The following ISCA1 variants were observed in gnomAD, a reference collection of about 807,000 sequenced individuals.
ISCA1 encodes iron-sulfur cluster assembly 1, also known as iron-sulfur cluster assembly 1 homolog, mitochondrial.
Under a neutral mutation model 14.7 loss-of-function variants are expected in ISCA1, and 9 were observed. That is an observed-to-expected ratio of 0.61 (90% CI 0.37 to 1.07). The LOEUF (loss-of-function observed/expected upper bound fraction) is 1.07. Among genes scored for constraint, ISCA1 ranks in the 50% least tolerant of loss-of-function variants. The pLI is 0.01. For synonymous variants in ISCA1, 38 were observed against 54.3 expected (o/e 0.70, Z 1.32); for missense variants, 102 against 150.1 (o/e 0.68, Z 1.67).
chr9:86,267,451 A>C (rs1415942001), intron 3 of ISCA1: 1 of 960,372 alleles, frequency 1.0e-6, no homozygotes, highest in Non-Finnish European at 1.2e-6. Context: ...TCTAGGCCTC[A>C]TTCTCCCATG....
intron 1 of ISCA1, among the ~76,000 whole-genome samples, chr9:86,280,594 CAAAAAA>C (rs59525482): frequency 2.0e-5 from 2 of 97,882 alleles, no homozygotes; most frequent in Non-Finnish European, 4.2e-5. Context: ...AACCCTGTCT[CAAAAAA>C]AAAAAAAAAA....
chr9:86,266,303 G>T, intron 3 of ISCA1, 112 bp from the exon 4 acceptor site: 1 of 1,439,428 alleles, frequency 6.9e-7, no homozygotes, highest in Non-Finnish European at 9.2e-7. Flanking sequence ...CAAACAAGAA[G>T]CCTTGAACAT....
At position 86,274,173 on chromosome 9, in the gene ISCA1, A is replaced by AT. The variant is rs771033549; in HGVS notation, c.135+15_135+16insA. ...AGCTTCAGTTTTTTACTGAATAATT[A>AT]ACTGGTTTTACTTACATGCTCAGGC... On this transcript the variant is annotated intron_variant, in intron 2 of 3. Transcript: ENST00000375991. The AT allele has an allele frequency of 7.0e-7, 1 of 1,424,322 alleles. No homozygotes were observed. The highest frequency in any genetic ancestry group is 1.4e-5 in the African/African-American group (1 of 71,312). The allele number at this position is 1,424,322 out of a possible 1,614,324, so 88.2% of individuals were successfully genotyped here. A position where few individuals can be genotyped will look rare whatever the true frequency, so the allele number is the denominator to read the frequency against.
At chr9:86,266,516 G>A (rs1033496172) in intron 3 of ISCA1, among the ~76,000 whole-genome samples, 1 of 151,746 alleles carries the variant, frequency 6.6e-6, no homozygotes, top group Non-Finnish European at 1.5e-5. Flanking sequence ...GTATATTCTC[G>A]ATGAGTTTTA....
chr9:86,268,461 C>A lies in ISCA1; in HGVS notation c.242-2270G>T, dbSNP rs1182582859. Among the ~76,000 whole-genome samples, 507 of 133,614 alleles carry A rather than the reference C, an allele frequency of 3.8e-3. 2 individuals carry two copies. Among genetic ancestry groups the A allele is most frequent in the African/African-American group, 0.012 (431 of 37,050 alleles). The allele number at this position is 133,614 out of a possible 152,430, so 87.7% of individuals were successfully genotyped here. A position where few individuals can be genotyped will look rare whatever the true frequency, so the allele number is the denominator to read the frequency against. ...AAAGAGTCAAAAAAAAAAAAAAAAA[C>A]CCCAAAGCTTACAAAGTAAAAAAGT... On this transcript the variant is annotated intron_variant, in intron 3 of 3. Transcript: ENST00000375991.
chr9:86,282,380 G>A lies in ISCA1; in HGVS notation c.79C>T (p.Leu27=), dbSNP rs1030168472. 23 of 1,548,144 alleles carry A rather than the reference G, an allele frequency of 1.5e-5. No individual in the cohort carries two copies. The highest frequency in any genetic ancestry group is 2.0e-5 in the Admixed American group (1 of 51,136). ...KLQPTRAALT[L]TPSAVNKIKQ... ...CGCCGCGCGCCGCGAGCACTCACCAGGGTGAGGGCTGCCCGGGTGGGCTGC... is the reference window on the plus strand; with the variant it reads ...CGCCGCGCGCCGCGAGCACTCACCAAGGTGAGGGCTGCCCGGGTGGGCTGC... Residue 27 remains leucine (L), a splice_region_variant and synonymous_variant, in exon 1 of 4, where the codon CTG becomes TTG. Transcript: ENST00000375991.
At chr9:86,269,878 T>C (rs1303572004) in intron 3 of ISCA1, among the ~76,000 whole-genome samples, 1 of 152,206 alleles carries the variant, frequency 6.6e-6, no homozygotes, top group Non-Finnish European at 1.5e-5. Flanking sequence ...CTGGGAAAAC[T>C]GGCTAGCCAT....
rs565925479 is a variant in ISCA1 at position 86,269,672 on chromosome 9, C to T, written c.241+2335G>A. Among the ~76,000 whole-genome samples, 491 of 151,802 alleles carry T rather than the reference C, an allele frequency of 3.2e-3. 6 individuals carry two copies. The highest frequency in any genetic ancestry group is 9.7e-3 in the African/African-American group (403 of 41,392). On this transcript the variant is annotated intron_variant, in intron 3 of 3. Transcript: ENST00000375991. ...CAAAAGAACAAAGCTGGAGGCATCA[C>T]GCTACTTGACTTCAAACTATACTAC...
At chr9:86,280,125 A>G (rs1026802526) in intron 1 of ISCA1, among the ~76,000 whole-genome samples, 3 of 152,220 alleles carry the variant, frequency 2.0e-5, no homozygotes, top group Non-Finnish European at 4.4e-5. Context: ...CAAGCCTGAG[A>G]ATGTGCAGTG....
At chr9:86,274,820 G>A (rs921481441) in intron 1 of ISCA1, among the ~76,000 whole-genome samples, 1 of 152,016 alleles carries the variant, frequency 6.6e-6, no homozygotes, top group Non-Finnish European at 1.5e-5. Flanking sequence ...TTTTTTCAAC[G>A]TGGATTAAAC....
rs566402831 is a variant in ISCA1 at position 86,282,470 on chromosome 9, C to G, written c.-12G>C. ...AAGGAAGCCGACATCTTCGCCGTCC[C>G]GGCGCCCCGGTGCCTCGGGCCGAAG... On this transcript the variant is annotated 5_prime_UTR_variant, in exon 1 of 4. Coordinates refer to ENST00000375991, the MANE Select transcript of ISCA1 (RefSeq NM_030940.4). 5 of 1,551,276 alleles carry G rather than the reference C, an allele frequency of 3.2e-6. No homozygotes were observed. Among genetic ancestry groups the G allele is most frequent in the East Asian group, 2.4e-5 (1 of 41,026 alleles).
chr9:86,274,985 G>A (rs1825422480), intron 1 of ISCA1, among the ~76,000 whole-genome samples: 1 of 152,190 alleles, frequency 6.6e-6, no homozygotes, highest in Admixed American at 6.5e-5. Context: ...ATAGGTCGGT[G>A]TTGCCAACCC....
At chr9:86,267,953 G>C (rs923263390) in intron 3 of ISCA1, 2 of 152,070 alleles carry the variant, frequency 1.3e-5, no homozygotes, top group Non-Finnish European at 2.9e-5. Context: ...GGTGATGCTG[G>C]TGTAAACAAA....
Position 86,265,830 on chromosome 9 carries a change from A to G in ISCA1, c.*213T>C, listed in dbSNP as rs1192411297. The G allele has an allele frequency of 1.3e-6, 1 of 778,020 alleles. No homozygotes were observed. The highest frequency in any genetic ancestry group is 2.6e-5 in the East Asian group (1 of 39,050). 48.2% of individuals were successfully genotyped at this position (778,020 alleles called of 1,614,324 possible). A position where few individuals can be genotyped will look rare whatever the true frequency, so the allele number is the denominator to read the frequency against. ...CTGGTTCTAAAACAAAGGATACAAG[A>G]GACCTAAATGATCCAAAAAGAGTGA... On this transcript the variant is annotated 3_prime_UTR_variant, in exon 4 of 4. Coordinates refer to ENST00000375991, the MANE Select transcript of ISCA1 (RefSeq NM_030940.4).
chr9:86,274,683 T>C (rs558316210), intron 1 of ISCA1, among the ~76,000 whole-genome samples: 1 of 151,434 alleles, frequency 6.6e-6, no homozygotes, highest in East Asian at 1.9e-4. Flanking sequence ...TCCTACTGCT[T>C]TTTTTTTTCT....
chr9:86,272,334 C>A (rs1427551810), intron 2 of ISCA1, among the ~76,000 whole-genome samples: 1 of 152,180 alleles, frequency 6.6e-6, no homozygotes, highest in African/African-American at 2.4e-5. Flanking sequence ...CAGGAGCCAC[C>A]CCGTCCAGCC....
chr9:86,276,245 T>C (rs1825437825), intron 1 of ISCA1, among the ~76,000 whole-genome samples: 1 of 151,688 alleles, frequency 6.6e-6, no homozygotes, highest in Admixed American at 6.6e-5. Context: ...CAGACTAGGG[T>C]TTGTGCTCCT....
chr9:86,276,941 T>G (rs1276941780), intron 1 of ISCA1, among the ~76,000 whole-genome samples: 1 of 143,104 alleles, frequency 7.0e-6, no homozygotes, highest in Non-Finnish European at 1.5e-5. Flanking sequence ...ATCTGAAACG[T>G]GGTCTTGGTT....
At chr9:86,268,328 T>C (rs913736177) in intron 3 of ISCA1, among the ~76,000 whole-genome samples, 3 of 151,772 alleles carry the variant, frequency 2.0e-5, no homozygotes, top group Non-Finnish European at 2.9e-5. Context: ...TAGTTTTTAA[T>C]TAAAATGTTT....
Sources: allele counts gnomAD v4.1 joint callset (sites outside exome capture counted in the v4.1 genomes callset), GRCh38; gene constraint gnomAD v4.1.1; transcripts MANE v1.5; gene names NCBI Gene and HGNC (gene_info 2026-07-23, HGNC 2026-07-21).